Variants in ZNF423 observed in about 807,000 individuals in gnomAD.
The protein encoded by ZNF423 is zinc finger protein 423.
A neutral mutation model predicts 95.8 loss-of-function variants in ZNF423; 12 were observed. That is an observed-to-expected ratio of 0.13 (90% CI 0.08 to 0.20). The LOEUF (loss-of-function observed/expected upper bound fraction) is 0.20, where lower values mean the gene tolerates loss of function less well. Among genes scored for constraint, ZNF423 ranks in the 10% least tolerant of loss-of-function variants. The pLI is 1.00. For synonymous variants in ZNF423, 749 were observed against 711.9 expected (o/e 1.05, Z -0.83); for missense variants, 1,316 against 1,737.1 (o/e 0.76, Z 4.31).
intron 1 of ZNF423, among the ~76,000 whole-genome samples, chr16:49,811,890 G>C (rs1055598608): frequency 6.6e-6 from 1 of 152,190 alleles, no homozygotes; most frequent in Non-Finnish European, 1.5e-5. Context: ...GCCAGAAAGA[G>C]ATTCCGTTCC....
chr16:49,494,150 G>C (rs1270197957), intron 7 of ZNF423, among the ~76,000 whole-genome samples: 2 of 152,160 alleles, frequency 1.3e-5, no homozygotes, highest in Non-Finnish European at 2.9e-5. Context: ...CCACACCTGG[G>C]ACCACTGGTG....
intron 7 of ZNF423, 33 bp downstream of exon 7, chr16:49,523,591 A>T (rs370346360): frequency 9.5e-6 from 15 of 1,576,454 alleles, no homozygotes; most frequent in Non-Finnish European, 1.2e-5. Context: ...GAGGACCATC[A>T]GGCGGCGTGG....
intron 3 of ZNF423, among the ~76,000 whole-genome samples, chr16:49,658,040 C>T (rs75608495): frequency 6.6e-6 from 1 of 152,350 alleles, no homozygotes; most frequent in African/African-American, 2.4e-5. Flanking sequence ...AATCCTAAAT[C>T]ATGATATTGA....
intron 1 of ZNF423, among the ~76,000 whole-genome samples, chr16:49,813,016 C>T (rs2034778380): frequency 6.6e-6 from 1 of 152,136 alleles, no homozygotes; most frequent in South Asian, 2.1e-4. Context: ...TGCCACACCA[C>T]CAGGGGCACC....
At chr16:49,726,577 A>C (rs2033020307) in intron 3 of ZNF423, among the ~76,000 whole-genome samples, 1 of 152,184 alleles carries the variant, frequency 6.6e-6, no homozygotes, top group Admixed American at 6.5e-5. Flanking sequence ...GATTTAAATC[A>C]GTGAGACCTG....
chr16:49,634,169 G>A (rs974873074), intron 4 of ZNF423, among the ~76,000 whole-genome samples: 8 of 145,620 alleles, frequency 5.5e-5, no homozygotes, highest in Non-Finnish European at 1.0e-4. Flanking sequence ...GCCTCCCAAA[G>A]TGCTGGGATT....
intron 5 of ZNF423, among the ~76,000 whole-genome samples, chr16:49,581,004 C>T (rs549758157): frequency 1.3e-5 from 2 of 152,242 alleles, no homozygotes; most frequent in South Asian, 4.2e-4. Context: ...ACGCTCCAGC[C>T]GTGATATTTA....
At chr16:49,853,494 C>T (rs1442825181) in intron 1 of ZNF423, among the ~76,000 whole-genome samples, 1 of 152,118 alleles carries the variant, frequency 6.6e-6, no homozygotes, top group East Asian at 1.9e-4. Context: ...TGCAAAAAGC[C>T]ATGGGAAGAA....
At chr16:49,834,803 G>A (rs532000950) in intron 1 of ZNF423, among the ~76,000 whole-genome samples, 50 of 152,160 alleles carry the variant, frequency 3.3e-4, no homozygotes, top group Admixed American at 3.3e-4. Context: ...GGGGGAGAGC[G>A]CCAGGATCAG....
chr16:49,726,856 CAAAAAAAAAAAA>C (rs368675702), intron 3 of ZNF423, among the ~76,000 whole-genome samples: 38 of 94,754 alleles, frequency 4.0e-4, no homozygotes, highest in Admixed American at 2.9e-3. Context: ...TTCCCCCTAG[CAAAAAAAAAAAA>C]AAAAAAAAAA....
chr16:49,844,447 G>A (rs978536410), intron 1 of ZNF423, among the ~76,000 whole-genome samples: 2 of 152,034 alleles, frequency 1.3e-5, no homozygotes, highest in Non-Finnish European at 2.9e-5. Flanking sequence ...AAGGAGAACC[G>A]GCATCAGCCT....
chr16:49,727,470 G>A (rs752702734), intron 3 of ZNF423, among the ~76,000 whole-genome samples: 2 of 138,168 alleles, frequency 1.4e-5, no homozygotes, highest in African/African-American at 2.8e-5. Context: ...GGAGCAAAAC[G>A]CTGCCCCCAA....
intron 2 of ZNF423, among the ~76,000 whole-genome samples, chr16:49,775,452 G>C (rs8059805): frequency 0.25 from 38,487 of 152,048 alleles, 5,806 homozygotes; most frequent in African/African-American, 0.42. Context: ...AGGCCACCTC[G>C]ACAGCCTTTC....
Position 49,611,028 on chromosome 16 carries a change from C to T in ZNF423, c.3601+15142G>A, listed in dbSNP as rs572891002. 3.3e-5 allele frequency among the ~76,000 whole-genome samples: 5 copies of T among 152,116 alleles called. No individual in the cohort carries two copies. The East Asian group carries it at 9.7e-4, about 29-fold the overall frequency. Reference sequence around the variant, plus strand: ...GCTAAGCAAAAGCTAATAGAGCTGACAGAAGAAATAGACATATCCACAATT... The same window carrying T: ...GCTAAGCAAAAGCTAATAGAGCTGATAGAAGAAATAGACATATCCACAATT... On this transcript the variant is annotated intron_variant, in intron 5 of 7. Coordinates refer to ENST00000563137, the MANE Select transcript of ZNF423 (RefSeq NM_001379286.1).
intron 7 of ZNF423, among the ~76,000 whole-genome samples, chr16:49,506,056 G>A (rs777035660): frequency 1.4e-4 from 21 of 152,200 alleles, no homozygotes; most frequent in South Asian, 2.1e-4. Flanking sequence ...GTGTGCTTTC[G>A]TGTGTGTGTG....
chr16:49,570,264 G>A (rs1970314760), intron 5 of ZNF423, among the ~76,000 whole-genome samples: 1 of 152,180 alleles, frequency 6.6e-6, no homozygotes. Context: ...GCATGGAACT[G>A]TAACAGGCAG....
chr16:49,674,670 C>A (rs1201190564), intron 3 of ZNF423, among the ~76,000 whole-genome samples: 1 of 152,152 alleles, frequency 6.6e-6, no homozygotes. Flanking sequence ...CAGACCAAAG[C>A]CCGAGAGGCA....
intron 5 of ZNF423, among the ~76,000 whole-genome samples, chr16:49,595,426 C>A (rs1296660814): frequency 6.6e-6 from 1 of 152,220 alleles, no homozygotes; most frequent in African/African-American, 2.4e-5. Context: ...CACTCACTAG[C>A]ATCTTCCTGC....
chr16:49,502,913 TACACAC>T lies in ZNF423; in HGVS notation c.3850-11615_3850-11610del, dbSNP rs55819934. Among the ~76,000 whole-genome samples, 366 of 122,882 alleles carry T rather than the reference TACACAC, an allele frequency of 3.0e-3. 1 individual carries two copies. The highest frequency in any genetic ancestry group is 9.2e-3 in the African/African-American group (302 of 32,886). 80.6% of individuals were successfully genotyped at this position (122,882 alleles called of 152,430 possible). On this transcript the variant is annotated intron_variant, in intron 7 of 7. Coordinates refer to ENST00000563137, the MANE Select transcript of ZNF423 (RefSeq NM_001379286.1). ...GTCCCCACAATCCCATGTGCACGCATACACACACACACACACACACACACACACACA... is the reference window on the plus strand; with the variant it reads ...GTCCCCACAATCCCATGTGCACGCATACACACACACACACACACACACACA...
Sources: gnomAD v4.1 joint callset for allele counts (sites outside exome capture counted in the v4.1 genomes callset) on GRCh38, gnomAD v4.1.1 for gene constraint, MANE v1.5 for transcripts, NCBI Gene and HGNC (gene_info 2026-07-23, HGNC 2026-07-21) for gene names.